Variants in VPS13D observed in about 807,000 individuals in gnomAD.
VPS13D encodes intermembrane lipid transfer protein VPS13D.
VPS13D carries 187 observed loss-of-function variants against 461.9 expected under a neutral mutation model. The observed-to-expected ratio is 0.40, with a 90% CI of 0.36 to 0.46. The LOEUF is 0.46. Among genes scored for constraint, VPS13D ranks in the 20% least tolerant of loss-of-function variants. The pLI, the probability that VPS13D is intolerant of heterozygous loss-of-function variation, is 0.60. For missense variants in VPS13D, 4,711 were observed against 5,364.9 expected (o/e 0.88, Z 3.81); for synonymous variants, 1,951 against 1,986.3 (o/e 0.98, Z 0.47).
rs139438428 is a variant in VPS13D, at chr1:12,335,194, G to A, written c.8429-511G>A. On this transcript the variant is annotated intron_variant, in intron 38 of 69. Transcript: ENST00000620676. ...CGATTGTCCTGCCTCAGCCTACTGAGTAGCTGGGACTACAGGTGCACGCCA... is the reference window on the plus strand; with the variant it reads ...CGATTGTCCTGCCTCAGCCTACTGAATAGCTGGGACTACAGGTGCACGCCA... 4.1e-3 allele frequency among the ~76,000 whole-genome samples: 627 copies of A among 152,286 alleles called. 5 individuals carry two copies. Among genetic ancestry groups the A allele is most frequent in the African/African-American group, 0.015 (603 of 41,556 alleles).
Position 12,293,639 on chromosome 1 carries a change from A to G in VPS13D, c.5968A>G (p.Ile1990Val), listed in dbSNP as rs751014989. 10 of 1,614,068 alleles carry G rather than the reference A, an allele frequency of 6.2e-6. No homozygotes were observed. The African/African-American group carries it at 9.3e-5, about 15-fold the overall frequency. Residue 1990 changes from isoleucine to valine, a missense_variant, in exon 24 of 70, where the codon ATT becomes GTT. Transcript: ENST00000620676. ...TTTCCAGGCAGAGGTGGTGGCCTTC[A>G]TTCAGCATTTCACTCAGCTGCAGGA... ...QRFQAEVVAF[I>V]QHFTQLQDVL...
chr1:12,385,430 C>G, intron 59 of VPS13D, 57 bp downstream of exon 59: 2 of 1,437,690 alleles, frequency 1.4e-6, no homozygotes, highest in South Asian at 2.5e-5. Context: ...TAGAATTTTA[C>G]TTGGTGGTAT....
chr1:12,499,034 C>T (rs1432783578), intron 68 of VPS13D, among the ~76,000 whole-genome samples: 1 of 152,156 alleles, frequency 6.6e-6, no homozygotes, highest in African/African-American at 2.4e-5. Context: ...CATCAGTTCA[C>T]TCCAGAACTG....
chr1:12,289,136 C>G (rs982162609), intron 22 of VPS13D, among the ~76,000 whole-genome samples: 2 of 152,182 alleles, frequency 1.3e-5, no homozygotes, highest in African/African-American at 4.8e-5. Context: ...GCCACAGCAC[C>G]TGGCCAGCAT....
chr1:12,391,105 A>T (rs1210328654), intron 60 of VPS13D, among the ~76,000 whole-genome samples: 2 of 152,180 alleles, frequency 1.3e-5, no homozygotes, highest in Non-Finnish European at 2.9e-5. Flanking sequence ...CAGCCAAATC[A>T]TTGGCTACCT....
At chr1:12,242,675 A>G (rs2101203870) in intron 3 of VPS13D, 85 bp downstream of exon 3, 1 of 1,246,770 alleles carries the variant, frequency 8.0e-7, no homozygotes, top group Non-Finnish European at 1.2e-6. Context: ...GTTTGTATTG[A>G]TTTGGCCAGT....
chr1:12,501,689 G>A (rs1372938528), intron 68 of VPS13D, among the ~76,000 whole-genome samples: 1 of 152,210 alleles, frequency 6.6e-6, no homozygotes, highest in Non-Finnish European at 1.5e-5. Flanking sequence ...TCTGTCCTCA[G>A]TGCGTTCACA....
chr1:12,468,658 C>T (rs573722650), intron 67 of VPS13D, among the ~76,000 whole-genome samples: 1 of 152,314 alleles, frequency 6.6e-6, no homozygotes, highest in South Asian at 2.1e-4. Flanking sequence ...TTCTCAAAGA[C>T]ATTTTCTTGC....
intron 67 of VPS13D, among the ~76,000 whole-genome samples, chr1:12,464,680 A>G (rs1185666414): frequency 2.0e-5 from 3 of 151,564 alleles, no homozygotes; most frequent in Admixed American, 2.0e-4. Flanking sequence ...TGAAATTTCC[A>G]GGCAACCCAA....
chr1:12,274,572 A>T (rs1185184530), intron 18 of VPS13D, among the ~76,000 whole-genome samples: 1 of 152,146 alleles, frequency 6.6e-6, no homozygotes, highest in Non-Finnish European at 1.5e-5. Flanking sequence ...TTAGTCTCCC[A>T]AAGTGCTGGG....
chr1:12,497,415 A>C, intron 67 of VPS13D, 85 bp from the exon 68 acceptor site: 1 of 1,482,392 alleles, frequency 6.7e-7, no homozygotes, highest in Non-Finnish European at 9.1e-7. Flanking sequence ...CTCGTATTAC[A>C]GAGTGCTTTT....
At chr1:12,336,702 G>A (rs2101566992) in intron 39 of VPS13D, 1 of 152,210 alleles carries the variant, frequency 6.6e-6, no homozygotes, top group East Asian at 1.9e-4. Context: ...CTTCTAGAAA[G>A]AGACACAAAG....
chr1:12,370,917 G>T (rs1294768152), intron 54 of VPS13D, among the ~76,000 whole-genome samples: 1 of 152,184 alleles, frequency 6.6e-6, no homozygotes, highest in East Asian at 1.9e-4. Flanking sequence ...GAATCTTGGT[G>T]TGCAGAATCT....
chr1:12,312,282 A>G (rs553100199), intron 29 of VPS13D, among the ~76,000 whole-genome samples: 4 of 152,262 alleles, frequency 2.6e-5, no homozygotes, highest in East Asian at 1.9e-4. Context: ...AGCGGGAAAA[A>G]TGAGCTCTGA....
chr1:12,349,111 C>G, intron 45 of VPS13D, 53 bp from the exon 46 acceptor site: 1 of 1,611,776 alleles, frequency 6.2e-7, no homozygotes, highest in Non-Finnish European at 8.5e-7. Context: ...GATGGTCAAT[C>G]TTTGGGGTGG....
Position 12,276,471 on chromosome 1 carries a change from G to A in VPS13D, c.2883G>A (p.Val961=). The change falls in exon 19 of 70, where the codon GTG becomes GTA. Residue 961 remains valine (V), a synonymous_variant. Coordinates refer to ENST00000620676, the MANE Select transcript of VPS13D (RefSeq NM_015378.4). This position sits in a 1 kb window ranked among gnomAD's most constrained non-coding sequence, Gnocchi z 4.5. ...ESQLLLAEFK[V]NCMQLGVESN... ...AGCTCCTCCTGGCGGAATTTAAAGT[G>A]AACTGTATGCAGCTTGGTGTTGAGA... is the stretch of plus-strand genomic sequence containing the variant. 1 of 1,614,172 alleles carries A rather than the reference G, an allele frequency of 6.2e-7. No homozygotes were observed. Among genetic ancestry groups the A allele is most frequent in the Non-Finnish European group, 8.5e-7 (1 of 1,180,040 alleles).
intron 67 of VPS13D, among the ~76,000 whole-genome samples, chr1:12,486,644 C>G (rs192462359): frequency 3.7e-4 from 57 of 152,344 alleles, no homozygotes; most frequent in African/African-American, 1.3e-3. Context: ...GTGTCCCCCC[C>G]ACGTTGGAAT....
chr1:12,381,920 T>TC (rs1644278765), intron 57 of VPS13D, among the ~76,000 whole-genome samples: 1 of 89,222 alleles, frequency 1.1e-5, no homozygotes, highest in African/African-American at 3.5e-5. Context: ...TTCTTTCTTT[T>TC]CTTTTCTTTC....
intron 18 of VPS13D, among the ~76,000 whole-genome samples, chr1:12,273,783 T>G (rs368347483): frequency 1.3e-5 from 2 of 152,366 alleles, no homozygotes; most frequent in East Asian, 3.9e-4. Context: ...TTCCGCGTTT[T>G]GTTTATCCTT....
Sources: allele counts gnomAD v4.1 joint callset (sites outside exome capture counted in the v4.1 genomes callset), GRCh38; gene constraint gnomAD v4.1.1; non-coding constraint Gnocchi (gnomAD v3.1); transcripts MANE v1.5; gene names NCBI Gene and HGNC (gene_info 2026-07-23, HGNC 2026-07-21).